Variants in KIAA1217 observed in about 807,000 individuals in gnomAD.
KIAA1217 encodes KIAA1217.
In KIAA1217, 88 loss-of-function variants were observed where a neutral mutation model predicts 163.9. The observed-to-expected ratio is 0.54, with a 90% CI of 0.45 to 0.64. The LOEUF is 0.64. Among genes scored for constraint, KIAA1217 ranks in the 30% least tolerant of loss-of-function variants. KIAA1217 has a pLI of 0.00. For synonymous variants in KIAA1217, 903 were observed against 923.1 expected (o/e 0.98, Z 0.39); for missense variants, 2,372 against 2,475.0 (o/e 0.96, Z 0.88).
At chr10:23,751,675 T>C (rs1365733639) in intron 1 of KIAA1217, among the ~76,000 whole-genome samples, 2 of 152,188 alleles carry the variant, frequency 1.3e-5, no homozygotes, top group Non-Finnish European at 2.9e-5. Context: ...TCTTGAAAAT[T>C]AAAATAATTT....
chr10:23,931,060 T>C (rs1206234845), intron 1 of KIAA1217, among the ~76,000 whole-genome samples: 1 of 152,194 alleles, frequency 6.6e-6, no homozygotes, highest in Non-Finnish European at 1.5e-5. Context: ...TTTTCTATAA[T>C]TTTCTATAGT....
chr10:23,818,332 T>TTA (rs1380820373), intron 1 of KIAA1217, among the ~76,000 whole-genome samples: 13 of 123,274 alleles, frequency 1.1e-4, no homozygotes, highest in Non-Finnish European at 1.5e-4. Context: ...TATATATATT[T>TTA]TATATATATA....
intron 1 of KIAA1217, among the ~76,000 whole-genome samples, chr10:23,852,389 C>G (rs1839396839): frequency 1.3e-5 from 2 of 152,162 alleles, no homozygotes; most frequent in Admixed American, 1.3e-4. Context: ...TGTTTTGGTA[C>G]CAGTACCATG....
rs1334229087 is a variant in KIAA1217, at chr10:24,293,926, G to A, written c.354+74017G>A. On this transcript the variant is annotated intron_variant, in intron 2 of 20. Coordinates refer to ENST00000376454, the MANE Select transcript of KIAA1217 (RefSeq NM_019590.5). ...AAATAGTTCCTGGCCGGGTGCGGTG[G>A]CTCACGCCTGGAATCCCAGCACTTT... 2.6e-5 allele frequency among the ~76,000 whole-genome samples: 4 copies of A among 152,188 alleles called. 1 individual carries two copies. In the South Asian group the frequency reaches 8.3e-4, roughly 32 times the overall value.
intron 1 of KIAA1217, among the ~76,000 whole-genome samples, chr10:23,790,685 G>A (rs1359504821): frequency 2.3e-5 from 3 of 129,250 alleles, no homozygotes; most frequent in African/African-American, 3.4e-5. Flanking sequence ...TATATAATAT[G>A]TATGTATATA....
chr10:24,211,551 TATTGTATTGTATTGTATTGTATTGTATTG>T lies in KIAA1217; in HGVS notation c.70+2289_70+2317del, dbSNP rs1564836121. Among the ~76,000 whole-genome samples, 43 of 59,832 alleles carry T rather than the reference TATTGTATTGTATTGTATTGTATTGTATTG, an allele frequency of 7.2e-4. 1 individual carries two copies. Among genetic ancestry groups the T allele is most frequent in the African/African-American group, 1.7e-3 (40 of 24,062 alleles). The allele number at this position is 59,832 out of a possible 152,430, so 39.3% of individuals were successfully genotyped here. On this transcript the variant is annotated intron_variant, in intron 1 of 20. Transcript: ENST00000376454. ...TGCATGGTTGTATTGTATTGTATTG[TATTGTATTGTATTGTATTGTATTGTATTG>T]TATTGTATTGTATTTTATTTTATTT...
At chr10:24,229,776 G>C (rs1195521306) in intron 2 of KIAA1217, among the ~76,000 whole-genome samples, 1 of 152,092 alleles carries the variant, frequency 6.6e-6, no homozygotes, top group Non-Finnish European at 1.5e-5. Flanking sequence ...CTCCCAAAGT[G>C]CTGGGATTAC....
At chr10:24,294,187 CAAAA>C (rs371110913) in intron 2 of KIAA1217, among the ~76,000 whole-genome samples, 1 of 55,110 alleles carries the variant, frequency 1.8e-5, no homozygotes, top group Non-Finnish European at 2.9e-5. Flanking sequence ...GACTCCGTCT[CAAAA>C]AAAAAAAAAA....
intron 2 of KIAA1217, among the ~76,000 whole-genome samples, chr10:24,048,794 C>T (rs934653118): frequency 2.7e-5 from 4 of 150,216 alleles, no homozygotes; most frequent in Non-Finnish European, 4.4e-5. Context: ...GCACTTTGGG[C>T]GGCCGAGGCG....
In KIAA1217 at chr10:23,842,411, G is replaced by A. The variant is rs560495809; in HGVS notation, c.-321+147177G>A. On this transcript the variant is annotated intron_variant, in intron 1 of 18. Coordinates refer to the KIAA1217 transcript ENST00000376462. ...ACCACAGTCATTATACAGATAAGTC[G>A]GAAAAAAAGGCAGTCTTCAAAACAG... is the stretch of plus-strand genomic sequence containing the variant. 9.4e-4 allele frequency among the ~76,000 whole-genome samples: 143 copies of A among 152,158 alleles called. 3 individuals carry two copies. Among genetic ancestry groups the A allele is most frequent in the Middle Eastern group, 3.4e-3 (1 of 290 alleles).
rs983579389 is a variant in KIAA1217, at chr10:24,284,997, T to C, written c.354+65088T>C. On this transcript the variant is annotated intron_variant, in intron 2 of 20. Transcript: ENST00000376454. ...CATTTAATGATCAATGATGATTAGC[T>C]TTTTTTCATATGCTTGTTGGCCTTA... Among the ~76,000 whole-genome samples, 7 of 152,210 alleles carry C rather than the reference T, an allele frequency of 4.6e-5. No individual in the cohort carries two copies. The South Asian group carries it at 1.4e-3, about 31-fold the overall frequency.
At chr10:23,927,325 GGTGTGTGTGT>G (rs57321785) in intron 1 of KIAA1217, among the ~76,000 whole-genome samples, 12 of 143,090 alleles carry the variant, frequency 8.4e-5, no homozygotes, top group African/African-American at 2.3e-4. Flanking sequence ...CAAGTCATAG[GGTGTGTGTGT>G]GTGTGTGTGT....
chr10:24,223,671 G>T (rs573579819), intron 2 of KIAA1217, among the ~76,000 whole-genome samples: 2 of 150,628 alleles, frequency 1.3e-5, no homozygotes, highest in Non-Finnish European at 3.0e-5. Context: ...TGAAAGTGAT[G>T]TATCTGCCGT....
chr10:24,101,784 G>A (rs2062426955), intron 2 of KIAA1217, among the ~76,000 whole-genome samples: 1 of 151,936 alleles, frequency 6.6e-6, no homozygotes, highest in African/African-American at 2.4e-5. Context: ...ATTGTGTTTT[G>A]GTTCTGGTTT....
At chr10:23,938,756 A>G (rs1263486675) in intron 1 of KIAA1217, among the ~76,000 whole-genome samples, 1 of 152,122 alleles carries the variant, frequency 6.6e-6, no homozygotes, top group Non-Finnish European at 1.5e-5. Flanking sequence ...TTTGGTACCC[A>G]TGGGAGAGTT....
intron 1 of KIAA1217, among the ~76,000 whole-genome samples, chr10:23,768,956 G>T (rs993652253): frequency 1.3e-5 from 2 of 152,244 alleles, no homozygotes; most frequent in African/African-American, 4.8e-5. Context: ...CTAAGGACTG[G>T]GAGTCCTGCA....
rs925504376 is a variant in KIAA1217 at position 23,924,822 on chromosome 10, A to T, written c.-320-82403A>T. Among the ~76,000 whole-genome samples the T allele has an allele frequency of 3.9e-5, 6 of 152,232 alleles. 1 individual carries two copies. Among genetic ancestry groups the T allele is most frequent in the African/African-American group, 1.4e-4 (6 of 41,472 alleles). On this transcript the variant is annotated intron_variant, in intron 1 of 18. Transcript: ENST00000376462. The stretch of plus-strand genomic sequence containing the variant: ...TTCTGAGTCTGAACAAGGGAGCAGG[A>T]AGACATTACTGAAATTTGCAAATGC...
chr10:23,856,061 C>T (rs957911237), intron 1 of KIAA1217, among the ~76,000 whole-genome samples: 22 of 152,222 alleles, frequency 1.4e-4, no homozygotes, highest in African/African-American at 4.3e-4. Flanking sequence ...TAAGGAACTG[C>T]GTTCCTTTGG....
chr10:24,068,478 C>T (rs967132249), intron 2 of KIAA1217, among the ~76,000 whole-genome samples: 2 of 152,134 alleles, frequency 1.3e-5, no homozygotes, highest in African/African-American at 2.4e-5. Flanking sequence ...ATTGGTTTCT[C>T]GAATTTTATC....
Sources: allele counts gnomAD v4.1 joint callset (sites outside exome capture counted in the v4.1 genomes callset), GRCh38; gene constraint gnomAD v4.1.1; transcripts MANE v1.5; gene names NCBI Gene and HGNC (gene_info 2026-07-23, HGNC 2026-07-21).